Variants in PI4KA observed in about 807,000 individuals in gnomAD.
The protein encoded by PI4KA is PI4-kinase alpha.
A neutral mutation model predicts 271.4 loss-of-function variants in PI4KA; 122 were observed. That is an observed-to-expected ratio of 0.45 (90% CI 0.39 to 0.52). PI4KA has a LOEUF of 0.52. Among genes scored for constraint, PI4KA ranks in the 20% least tolerant of loss-of-function variants. PI4KA has a pLI of 0.00. For synonymous variants in PI4KA, 1,041 were observed against 1,078.8 expected (o/e 0.96, Z 0.69); for missense variants, 1,969 against 2,769.1 (o/e 0.71, Z 6.48).
At chr22:20,841,360 A>G (rs1925532854) in intron 1 of PI4KA, among the ~76,000 whole-genome samples, 2 of 152,068 alleles carry the variant, frequency 1.3e-5, no homozygotes, top group South Asian at 4.1e-4. Context: ...AGCATTTTTT[A>G]CCATCCTCAA....
Position 20,729,434 on chromosome 22 carries a change from C to T in PI4KA, c.4561G>A (p.Gly1521Arg), listed in dbSNP as rs773411823. 11 of 1,612,640 alleles carry T rather than the reference C, an allele frequency of 6.8e-6. No individual in the cohort carries two copies. Among genetic ancestry groups the T allele is most frequent in the African/African-American group, 1.3e-5 (1 of 74,904 alleles). Reference sequence around the variant, plus strand: ...CTCCAGTTGGCCACGCTGTTCTCTCCGGCCTGGTCTAGTTCCAGTTCCGGG... The same window carrying T: ...CTCCAGTTGGCCACGCTGTTCTCTCTGGCCTGGTCTAGTTCCAGTTCCGGG... ...SAPELELDQA[G>R]ENSVANWRSK... Residue 1521 changes from glycine (G) to arginine (R), a missense_variant, in exon 39 of 55, where the codon GGA becomes AGA. By Grantham distance (125) the Gly-to-Arg change is moderately radical (BLOSUM62 -2). Around this residue, in one of 13 missense-constraint regions of PI4KA, gnomAD observed 388 missense variants for 521.5 expected, o/e 0.74. Transcript: ENST00000255882.
chr22:20,742,514 T>C (rs1929580786), intron 31 of PI4KA, 94 bp downstream of exon 31: 14 of 1,559,830 alleles, frequency 9.0e-6, no homozygotes, highest in Non-Finnish European at 9.7e-6. Context: ...GCTCCTGCTC[T>C]TTCTCCGGCC....
At chr22:20,719,553 C>A (rs1044669319) in intron 43 of PI4KA, among the ~76,000 whole-genome samples, 2 of 152,116 alleles carry the variant, frequency 1.3e-5, no homozygotes, top group African/African-American at 4.8e-5. Context: ...TAACCTTTTT[C>A]ACAGACCTTT....
chr22:20,765,539 T>C (rs1407577828), intron 20 of PI4KA, 46 bp downstream of exon 20: 1 of 1,317,296 alleles, frequency 7.6e-7, no homozygotes, highest in Non-Finnish European at 1.1e-6. Flanking sequence ...CACCTTTACC[T>C]TCACTCTGCA....
intron 3 of PI4KA, among the ~76,000 whole-genome samples, chr22:20,833,267 G>A (rs1226602944): frequency 6.6e-6 from 1 of 152,172 alleles, no homozygotes; most frequent in African/African-American, 2.4e-5. Flanking sequence ...GCACTGGAGG[G>A]GTTGAGGTGT....
At chr22:20,791,829 G>A (rs1048469001) in intron 19 of PI4KA, among the ~76,000 whole-genome samples, 2 of 152,156 alleles carry the variant, frequency 1.3e-5, no homozygotes, top group Admixed American at 6.5e-5. Context: ...GGCCGGGCGC[G>A]GCAGCTCATA....
In PI4KA at chr22:20,833,453, A is replaced by G. The variant is rs575313792; in HGVS notation, c.367+1109T>C. Among the ~76,000 whole-genome samples the G allele has an allele frequency of 8.5e-5, 13 of 152,286 alleles. No individual in the cohort carries two copies. The South Asian group carries it at 1.4e-3, about 17-fold the overall frequency. On this transcript the variant is annotated intron_variant, in intron 3 of 54. Coordinates refer to ENST00000255882, the MANE Select transcript of PI4KA (RefSeq NM_058004.4). ...TGCCTGCCTCTATGTGGGCATTGGC[A>G]GTAGCAGTGGTGCACGGCCGCTGGG...
chr22:20,832,865 G>A (rs969734071), intron 3 of PI4KA, among the ~76,000 whole-genome samples: 11 of 151,984 alleles, frequency 7.2e-5, no homozygotes, highest in East Asian at 3.9e-4. Context: ...GATGATCTTC[G>A]TTCCTATCCA....
chr22:20,810,709 G>T (rs1177516851), intron 9 of PI4KA, among the ~76,000 whole-genome samples: 1 of 152,108 alleles, frequency 6.6e-6, no homozygotes, highest in Non-Finnish European at 1.5e-5. Flanking sequence ...ACGTTAGTGA[G>T]TTCTCACTAA....
At chr22:20,852,129 G>GTAAA (rs918211953) in intron 1 of PI4KA, among the ~76,000 whole-genome samples, 3 of 151,876 alleles carry the variant, frequency 2.0e-5, no homozygotes, top group African/African-American at 4.8e-5. Context: ...ATCTCAAAAA[G>GTAAA]TAAATAAATA....
At chr22:20,718,871 C>T (rs1926355808) in intron 43 of PI4KA, 49 bp from the exon 44 acceptor site, 2 of 1,600,504 alleles carry the variant, frequency 1.2e-6, no homozygotes, top group Admixed American at 3.5e-5. Flanking sequence ...TGGCAGAGGC[C>T]CCTCAGGAAT....
At chr22:20,750,094 T>G (rs1296173278) in intron 27 of PI4KA, 100 bp from the exon 28 acceptor site, 1 of 757,624 alleles carries the variant, frequency 1.3e-6, no homozygotes, top group African/African-American at 1.7e-5. Flanking sequence ...CAAATCCCTA[T>G]GCTGCGCCTT....
chr22:20,726,913 T>C (rs1217650255), intron 41 of PI4KA, among the ~76,000 whole-genome samples: 1 of 152,042 alleles, frequency 6.6e-6, no homozygotes, highest in East Asian at 1.9e-4. Context: ...GTGAGGTCAC[T>C]GTGGGGTTCC....
chr22:20,806,195 A>G (rs1436750024), intron 10 of PI4KA, among the ~76,000 whole-genome samples: 1 of 152,220 alleles, frequency 6.6e-6, no homozygotes, highest in Non-Finnish European at 1.5e-5. Context: ...CTGACAAAAT[A>G]TTATGTGCTC....
chr22:20,719,099 A>G (rs1326138601), intron 43 of PI4KA, among the ~76,000 whole-genome samples: 1 of 152,138 alleles, frequency 6.6e-6, no homozygotes, highest in African/African-American at 2.4e-5. Flanking sequence ...ACGCAGGAAG[A>G]AAAAAGCCCG....
intron 2 of PI4KA, among the ~76,000 whole-genome samples, chr22:20,838,173 T>C (rs1192631698): frequency 6.6e-6 from 1 of 151,466 alleles, no homozygotes; most frequent in Non-Finnish European, 1.5e-5. Flanking sequence ...TTTATATACA[T>C]AATCGCAATT....
At chr22:20,844,439 AGG>A (rs1180135665) in intron 1 of PI4KA, among the ~76,000 whole-genome samples, 6 of 152,228 alleles carry the variant, frequency 3.9e-5, no homozygotes, top group Non-Finnish European at 2.9e-5. Context: ...GAATGAATGG[AGG>A]GACGGATGGA....
At chr22:20,730,042 T>A (rs765066842) in intron 36 of PI4KA, 31 bp from the exon 37 acceptor site, 2 of 1,607,500 alleles carry the variant, frequency 1.2e-6, no homozygotes, top group Admixed American at 3.4e-5. Flanking sequence ...GATTCTAGAG[T>A]GAGGTGGCTC....
Position 20,751,684 on chromosome 22 carries a change from G to C in PI4KA, c.3059C>G (p.Ser1020Ter). 6.2e-7 allele frequency: 1 copy of C among 1,613,646 alleles called. No homozygotes were observed. The highest frequency in any genetic ancestry group is 8.5e-7 in the Non-Finnish European group (1 of 1,179,528). ...CCTGGGGACACTCACAGCGCTCAGT[G>C]ACAGTGACAGGGTCTGCAGGATGTC... ...MLDILQTLSL[S>*]LSADIHKDQP... The change falls in exon 26 of 55, where the codon TCA becomes TGA. Residue 1020 changes from serine (S) to a stop codon, truncating the protein, a stop_gained. Transcript: ENST00000255882. LOFTEE classifies it high-confidence loss of function.
Sources: gnomAD v4.1 joint callset for allele counts (sites outside exome capture counted in the v4.1 genomes callset) on GRCh38, gnomAD v4.1.1 for gene constraint, gnomAD v4.1.1 regional missense constraint, MANE v1.5 for transcripts, NCBI Gene and HGNC (gene_info 2026-07-23, HGNC 2026-07-21) for gene names.